AK5: variants seen among roughly 807,000 people sequenced by gnomAD.
The protein encoded by AK5 is adenylate kinase 5, also known as adenylate kinase isoenzyme 5.
In AK5, 27 loss-of-function variants were observed where a neutral mutation model predicts 69.5. The ratio of observed to expected loss-of-function variants is 0.39; its 90% CI spans 0.29 to 0.54. The LOEUF (loss-of-function observed/expected upper bound fraction) is 0.54. Ranked by LOEUF, AK5 falls within the 20% of genes least tolerant of loss-of-function variation. The pLI, the probability that AK5 is intolerant of heterozygous loss-of-function variation, is 0.71. For synonymous variants in AK5, 260 were observed against 244.4 expected, an observed-to-expected ratio of 1.06 and a Z score of -0.60; for missense variants, 531 against 700.4, an observed-to-expected ratio of 0.76 and a Z score of 2.73.
chr1:77,396,685 A>G (rs1414384227), intron 6 of AK5, among the ~76,000 whole-genome samples: 1 of 152,238 alleles, frequency 6.6e-6, no homozygotes, highest in Non-Finnish European at 1.5e-5. Context: ...ATAACTAGGA[A>G]CATAGGATTT....
chr1:77,557,423 C>T (rs182075532), intron 13 of AK5: 3 of 169,996 alleles, frequency 1.8e-5, no homozygotes, highest in African/African-American at 4.7e-5. Flanking sequence ...CTCCCAGGTG[C>T]TTCCCGTGCT....
At chr1:77,523,777 T>A (rs1658125703) in intron 12 of AK5, among the ~76,000 whole-genome samples, 1 of 152,064 alleles carries the variant, frequency 6.6e-6, no homozygotes, top group Non-Finnish European at 1.5e-5. Context: ...GCCCAAGCAA[T>A]CCTCTCACCT....
intron 5 of AK5, among the ~76,000 whole-genome samples, chr1:77,321,167 A>G (rs1398854294): frequency 2.0e-5 from 3 of 152,138 alleles, no homozygotes; most frequent in Admixed American, 2.0e-4. Context: ...TAAACCATTT[A>G]CTAAGCCATT....
At chr1:77,429,861 A>G (rs1310806338) in intron 8 of AK5, among the ~76,000 whole-genome samples, 1 of 152,194 alleles carries the variant, frequency 6.6e-6, no homozygotes, top group African/African-American at 2.4e-5. Flanking sequence ...ATGTTCAAAA[A>G]GAGGAAATAG....
intron 6 of AK5, among the ~76,000 whole-genome samples, chr1:77,379,870 T>A (rs1647503829): frequency 1.3e-5 from 2 of 152,186 alleles, no homozygotes; most frequent in South Asian, 4.1e-4. Flanking sequence ...GTATTTAACA[T>A]ATACATTTCG....
At chr1:77,302,644 TCTC>T (rs1477110213) in intron 5 of AK5, among the ~76,000 whole-genome samples, 1 of 152,206 alleles carries the variant, frequency 6.6e-6, no homozygotes, top group South Asian at 2.1e-4. Flanking sequence ...AATAGCCTAA[TCTC>T]CTGCTGTTTG....
chr1:77,293,725 T>A, intron 2 of AK5, 68 bp from the exon 3 acceptor site: 1 of 1,334,002 alleles, frequency 7.5e-7, no homozygotes. Context: ...TTTTACTAAC[T>A]GTTTAAGTGT....
chr1:77,465,741 A>G lies in AK5; in HGVS notation c.1060-17576A>G, dbSNP rs532000009. Among the ~76,000 whole-genome samples, 48 of 152,334 alleles carry G rather than the reference A, an allele frequency of 3.2e-4. 1 individual carries two copies. The highest frequency in any genetic ancestry group is 2.9e-3 in the Admixed American group (45 of 15,302). On this transcript the variant is annotated intron_variant, in intron 8 of 13. Coordinates refer to ENST00000354567, the MANE Select transcript of AK5 (RefSeq NM_174858.3). ...GGATGTGACCCCAAACTTTCTTTGT[A>G]ACTTTAAACAAGCAATATGACTTCT...
At chr1:77,456,147 G>A (rs1653470623) in intron 8 of AK5, among the ~76,000 whole-genome samples, 1 of 152,192 alleles carries the variant, frequency 6.6e-6, no homozygotes, top group African/African-American at 2.4e-5. Context: ...AACAGTGGAA[G>A]CCCCTAAAAC....
chr1:77,380,391 A>G lies in AK5; in HGVS notation c.892-30590A>G, dbSNP rs114861967. ...GGTAACTGCCTCAAGTCACACAACT[A>G]GTTAAGTGATAGAGCCAGGACTCTA... is the stretch of plus-strand genomic sequence containing the variant. On this transcript the variant is annotated intron_variant, in intron 6 of 13. Coordinates refer to ENST00000354567, the MANE Select transcript of AK5 (RefSeq NM_174858.3). Among the ~76,000 whole-genome samples the G allele has an allele frequency of 3.0e-3, 457 of 152,308 alleles. 1 individual carries two copies. The highest frequency in any genetic ancestry group is 4.6e-3 in the Non-Finnish European group (312 of 68,018).
intron 8 of AK5, among the ~76,000 whole-genome samples, chr1:77,462,364 A>G (rs933627627): frequency 1.3e-5 from 2 of 152,098 alleles, no homozygotes; most frequent in African/African-American, 4.8e-5. Flanking sequence ...TAGGCAGATG[A>G]ATGGATGATT....
At position 77,404,176 on chromosome 1, in the gene AK5, C is replaced by A. The variant is rs556047924; in HGVS notation, c.892-6805C>A. On this transcript the variant is annotated intron_variant, in intron 6 of 13. Transcript: ENST00000354567. The stretch of plus-strand genomic sequence containing the variant: ...ATTTCAAAACACTGTTTAAAAATCC[C>A]AAAGTCAAGAAAACCTAATGTATGT... Among the ~76,000 whole-genome samples, 43 of 152,216 alleles carry A rather than the reference C, an allele frequency of 2.8e-4. 1 individual carries two copies. Among genetic ancestry groups the A allele is most frequent in the African/African-American group, 1.0e-3 (43 of 41,540 alleles).
Position 77,521,857 on chromosome 1 carries a change from A to G in AK5, c.1342A>G (p.Met448Val). 1.2e-6 allele frequency: 2 copies of G among 1,613,988 alleles called. No individual in the cohort carries two copies. Among genetic ancestry groups the G allele is most frequent in the Non-Finnish European group, 1.7e-6 (2 of 1,179,982 alleles). The change falls in exon 12 of 14, where the codon ATG becomes GTG. Residue 448 changes from methionine to valine, a missense_variant. Transcript: ENST00000354567. ...GIVLELLKEA[M>V]VASLGDTRGF... Reference sequence around the variant, plus strand: ...CGTTTTGGAGCTCCTGAAGGAGGCCATGGTGGCCAGCCTCGGGGACACCAG... The same window carrying G: ...CGTTTTGGAGCTCCTGAAGGAGGCCGTGGTGGCCAGCCTCGGGGACACCAG...
In AK5 at chr1:77,291,053, T is replaced by C. The variant is rs184877778; in HGVS notation, c.248-2740T>C. ...CTTGGAGCAGAAAGCTAAGTGTGTG[T>C]TAGCTAGAGAAGGATGAAAGAGATT... is the stretch of plus-strand genomic sequence containing the variant. On this transcript the variant is annotated intron_variant, in intron 2 of 13. Coordinates refer to ENST00000354567, the MANE Select transcript of AK5 (RefSeq NM_174858.3). Among the ~76,000 whole-genome samples the C allele has an allele frequency of 1.9e-3, 288 of 152,254 alleles. 2 individuals are homozygous for C. Among genetic ancestry groups the C allele is most frequent in the Admixed American group, 3.5e-3 (54 of 15,296 alleles).
chr1:77,416,840 A>G (rs1463081905), intron 7 of AK5, among the ~76,000 whole-genome samples: 1 of 152,192 alleles, frequency 6.6e-6, no homozygotes, highest in Middle Eastern at 3.2e-3. Flanking sequence ...TTCACAGGAT[A>G]TATAATATTT....
At position 77,559,260 on chromosome 1, in the gene AK5, A is replaced by G. The variant is rs947048731; in HGVS notation, c.*590A>G. 2.0e-5 allele frequency: 3 copies of G among 152,224 alleles called. No individual in the cohort carries two copies. Among genetic ancestry groups the G allele is most frequent in the Non-Finnish European group, 4.4e-5 (3 of 68,042 alleles). 9.4% of individuals were successfully genotyped at this position (152,224 alleles called of 1,614,324 possible). A position where few individuals can be genotyped will look rare whatever the true frequency, so the allele number is the denominator to read the frequency against. On this transcript the variant is annotated 3_prime_UTR_variant, in exon 14 of 14. Transcript: ENST00000354567. ...AAGTAAAATTTGACAGAAATTTTAA[A>G]ATATGAAGATGTATAGCTTTCCCAA... is the stretch of plus-strand genomic sequence containing the variant.
intron 5 of AK5, among the ~76,000 whole-genome samples, chr1:77,321,790 T>G (rs1163856168): frequency 6.6e-6 from 1 of 152,096 alleles, no homozygotes; most frequent in Non-Finnish European, 1.5e-5. Flanking sequence ...AATAGTGCTC[T>G]GAGACAAGAA....
chr1:77,299,552 A>T (rs1447940087), intron 5 of AK5, among the ~76,000 whole-genome samples: 1 of 152,088 alleles, frequency 6.6e-6, no homozygotes, highest in Non-Finnish European at 1.5e-5. Flanking sequence ...TTCCTCTCCC[A>T]CCATAAGTCC....
At chr1:77,333,543 C>A (rs1485717752) in intron 5 of AK5, among the ~76,000 whole-genome samples, 1 of 143,194 alleles carries the variant, frequency 7.0e-6, no homozygotes, top group Non-Finnish European at 1.5e-5. Flanking sequence ...ATTTTTAAAT[C>A]TCCCCCCCAC....
Sources: gnomAD v4.1 joint callset for allele counts (sites outside exome capture counted in the v4.1 genomes callset) on GRCh38, gnomAD v4.1.1 for gene constraint, MANE v1.5 for transcripts, NCBI Gene and HGNC (gene_info 2026-07-23, HGNC 2026-07-21) for gene names.